SDK1: variants seen among roughly 807,000 people sequenced by gnomAD.
The protein encoded by SDK1 is sidekick cell adhesion molecule 1.
In SDK1, 157 loss-of-function variants were observed where a neutral mutation model predicts 245.5. That is an observed-to-expected ratio of 0.64 (90% confidence interval 0.56 to 0.73). The LOEUF (loss-of-function observed/expected upper bound fraction) is 0.73. SDK1 is among the 30% of genes least tolerant of loss of function. SDK1 has a pLI of 0.00. For missense variants in SDK1, 3,583 were observed against 3,002.3 expected, an observed-to-expected ratio of 1.19 and a Z score of -4.52; for synonymous variants, 1,647 against 1,278.5, an observed-to-expected ratio of 1.29 and a Z score of -6.15.
At chr7:3,447,577 G>A (rs1780378701) in intron 1 of SDK1, among the ~76,000 whole-genome samples, 1 of 151,898 alleles carries the variant, frequency 6.6e-6, no homozygotes, top group Non-Finnish European at 1.5e-5. Context: ...GTATTCTATA[G>A]TATGAATGTA....
chr7:4,115,924 G>GT (rs1783676124), intron 25 of SDK1, among the ~76,000 whole-genome samples: 1 of 152,226 alleles, frequency 6.6e-6, no homozygotes, highest in East Asian at 1.9e-4. Flanking sequence ...AGCCAAGTGC[G>GT]TGACGGGTAT....
chr7:3,331,524 T>C (rs2128551037), intron 1 of SDK1, among the ~76,000 whole-genome samples: 1 of 152,342 alleles, frequency 6.6e-6, no homozygotes, highest in Admixed American at 6.5e-5. Flanking sequence ...CTTTTTATAT[T>C]AGATATAAGT....
At chr7:3,425,667 AT>A (rs1041370282) in intron 1 of SDK1, among the ~76,000 whole-genome samples, 9 of 152,312 alleles carry the variant, frequency 5.9e-5, no homozygotes, top group African/African-American at 2.2e-4. Context: ...ATAGAAATGT[AT>A]TTGTTTAATT....
intron 43 of SDK1, among the ~76,000 whole-genome samples, chr7:4,242,355 G>A (rs913772889): frequency 2.6e-5 from 4 of 152,116 alleles, no homozygotes; most frequent in African/African-American, 7.2e-5. Context: ...TTCCTGTGCC[G>A]ATACACATTG....
At chr7:3,614,009 G>A (rs1312254807) in intron 1 of SDK1, among the ~76,000 whole-genome samples, 2 of 152,158 alleles carry the variant, frequency 1.3e-5, no homozygotes, top group African/African-American at 4.8e-5. Context: ...GGATCAGGAA[G>A]AGTAACAATG....
intron 4 of SDK1, among the ~76,000 whole-genome samples, chr7:3,776,880 T>C (rs1242252905): frequency 3.9e-5 from 6 of 152,072 alleles, no homozygotes; most frequent in Admixed American, 2.6e-4. Flanking sequence ...ATAGTGAAAC[T>C]TCTCAAAATC....
chr7:4,007,665 C>T lies in SDK1; in HGVS notation c.2132-3301C>T, dbSNP rs192271973. Among the ~76,000 whole-genome samples, 184 of 152,180 alleles carry T rather than the reference C, an allele frequency of 1.2e-3. 1 individual carries two copies. The highest frequency in any genetic ancestry group is 2.6e-3 in the African/African-American group (107 of 41,524). On this transcript the variant is annotated intron_variant, in intron 14 of 44. Coordinates refer to ENST00000404826, the MANE Select transcript of SDK1 (RefSeq NM_152744.4). ...TGTCGCCCAGGCTGGAGTCCAGTGGCGCGGTCTCGACTCCCTACAACCTCC... is the reference window on the plus strand; with the variant it reads ...TGTCGCCCAGGCTGGAGTCCAGTGGTGCGGTCTCGACTCCCTACAACCTCC...
chr7:4,050,861 A>ATT (rs1583947815), intron 18 of SDK1, among the ~76,000 whole-genome samples: 1 of 145,308 alleles, frequency 6.9e-6, no homozygotes, highest in East Asian at 2.0e-4. Context: ...TATATTATAT[A>ATT]CTATATGGTA....
rs144898931 is a variant in SDK1 at position 4,253,375 on chromosome 7, T to C, written c.6381+7570T>C. Among the ~76,000 whole-genome samples the C allele has an allele frequency of 1.6e-4, 25 of 152,338 alleles. No individual in the cohort carries two copies. The East Asian group carries it at 4.4e-3, about 27-fold the overall frequency. ...AATATTTTTTTAATTTTCTGTGTAA[T>C]TTCTTCTTTGACACATTCGTTATTT... On this transcript the variant is annotated intron_variant, in intron 44 of 44. Transcript: ENST00000404826.
At position 4,081,278 on chromosome 7, in the gene SDK1, A is replaced by G. The variant is rs1584059160; in HGVS notation, c.3324+1694A>G. ...ATGTTCCGTTGCCCAGAACTTGGGC[A>G]ACGTGGCCCTGTGTCACTGCAGGAG... On this transcript the variant is annotated intron_variant, in intron 22 of 44. Transcript: ENST00000404826. Among the ~76,000 whole-genome samples, 4 of 152,318 alleles carry G rather than the reference A, an allele frequency of 2.6e-5. No homozygotes were observed. In the South Asian group the frequency reaches 8.3e-4, roughly 32 times the overall value.
At chr7:3,407,392 C>G (rs1256859532) in intron 1 of SDK1, among the ~76,000 whole-genome samples, 3 of 152,304 alleles carry the variant, frequency 2.0e-5, no homozygotes, top group African/African-American at 7.2e-5. Flanking sequence ...AGTGATACTT[C>G]TGGTGACCAT....
At chr7:3,994,367 C>T (rs1405942967) in intron 14 of SDK1, among the ~76,000 whole-genome samples, 4 of 152,138 alleles carry the variant, frequency 2.6e-5, no homozygotes, top group South Asian at 4.1e-4. Context: ...CCAGGCTGGG[C>T]GCAGTGGCTC....
chr7:3,789,020 C>A (rs185108692), intron 4 of SDK1, among the ~76,000 whole-genome samples: 1 of 152,192 alleles, frequency 6.6e-6, no homozygotes, highest in South Asian at 2.1e-4. Flanking sequence ...CTGACAAGCT[C>A]CTTTCTGAGG....
At chr7:3,996,289 T>C (rs1583772581) in intron 14 of SDK1, among the ~76,000 whole-genome samples, 1 of 152,236 alleles carries the variant, frequency 6.6e-6, no homozygotes, top group East Asian at 1.9e-4. Flanking sequence ...TTTTAATTGC[T>C]TTACTTCCAA....
At chr7:4,048,448 G>A (rs1308958729) in intron 17 of SDK1, among the ~76,000 whole-genome samples, 1 of 152,152 alleles carries the variant, frequency 6.6e-6, no homozygotes, top group Non-Finnish European at 1.5e-5. Context: ...GACAATCCCA[G>A]CGAGACCCGC....
At chr7:3,609,036 G>C (rs1473710177) in intron 1 of SDK1, among the ~76,000 whole-genome samples, 1 of 152,032 alleles carries the variant, frequency 6.6e-6, no homozygotes, top group South Asian at 2.1e-4. Flanking sequence ...TTTGAAAAAG[G>C]GTTAAACAGT....
At chr7:4,076,545 AAAAT>A (rs1338677198) in intron 20 of SDK1, among the ~76,000 whole-genome samples, 2 of 148,358 alleles carry the variant, frequency 1.3e-5, no homozygotes, top group Non-Finnish European at 1.5e-5. Flanking sequence ...AACAGACTCA[AAAAT>A]AAATAGATAG....
In SDK1 at chr7:3,486,488, A is replaced by G. The variant is rs138352322; in HGVS notation, c.299-132592A>G. Among the ~76,000 whole-genome samples the G allele has an allele frequency of 7.3e-4, 111 of 152,154 alleles. 1 individual carries two copies. In the East Asian group the frequency reaches 0.018, roughly 24 times the overall value. On this transcript the variant is annotated intron_variant, in intron 1 of 44. Transcript: ENST00000404826. The stretch of plus-strand genomic sequence containing the variant: ...TACCCCCCTAATTTTGTAAGTTATA[A>G]ACTAAGTTTACTTATTTTCAATCTC...
chr7:4,237,583 G>A (rs1204256454), intron 41 of SDK1, 64 bp from the exon 42 acceptor site: 45 of 1,597,014 alleles, frequency 2.8e-5, no homozygotes, highest in Middle Eastern at 1.7e-4. Context: ...CACCTGACTC[G>A]CGGGAGGTGA....
Sources: gnomAD v4.1 joint callset for allele counts (sites outside exome capture counted in the v4.1 genomes callset) on GRCh38, gnomAD v4.1.1 for gene constraint, MANE v1.5 for transcripts, NCBI Gene and HGNC (gene_info 2026-07-23, HGNC 2026-07-21) for gene names.